SLC35A3: variants seen among roughly 807,000 people sequenced by gnomAD.
SLC35A3 encodes solute carrier family 35 member A3.
In SLC35A3, 26 loss-of-function variants were observed where a neutral mutation model predicts 39.0. The ratio of observed to expected loss-of-function variants is 0.67; its 90% confidence interval spans 0.49 to 0.92. The LOEUF is 0.92. Ranked by LOEUF, SLC35A3 falls within the 40% of genes least tolerant of loss-of-function variation. The probability of loss-of-function intolerance (pLI) is 0.00; values close to 1 mark genes in which losing one functional copy is unlikely to be tolerated. For missense variants in SLC35A3, 299 were observed against 371.6 expected (o/e 0.80, Z 1.61); for synonymous variants, 135 against 133.1 (o/e 1.01, Z -0.10).
intron 1 of SLC35A3, among the ~76,000 whole-genome samples, chr1:99,985,579 AT>A (rs549684041): frequency 1.3e-5 from 2 of 151,852 alleles, no homozygotes; most frequent in Non-Finnish European, 2.9e-5. Context: ...GAATTTTAGG[AT>A]TGTTTTTTCT....
At chr1:99,998,561 G>T (rs879811790) in intron 2 of SLC35A3, among the ~76,000 whole-genome samples, 63 of 152,230 alleles carry the variant, frequency 4.1e-4, no homozygotes, top group Non-Finnish European at 7.6e-4. Context: ...TCCTTTCACA[G>T]CTAGACACTT....
chr1:99,993,452 C>T, intron 1 of SLC35A3, 85 bp from the exon 2 acceptor site: 4 of 1,128,706 alleles, frequency 3.5e-6, no homozygotes, highest in Non-Finnish European at 5.0e-6. Context: ...CAGGCCCTCT[C>T]CCTTCTCCCT....
At position 100,034,636 on chromosome 1, in the gene SLC35A3, G is replaced by T. The variant is rs559197459; in HGVS notation, c.*12160G>T. On this transcript the variant is annotated 3_prime_UTR_variant, in exon 8 of 8. Transcript: ENST00000533028. ...AGGTGGCTCTATAGAATGGAGGGTA[G>T]AAGGGATGTGGGTGACTTACTCAGT... 9.8e-4 allele frequency: 149 copies of T among 152,026 alleles called. No homozygotes were observed. Among genetic ancestry groups the T allele is most frequent in the African/African-American group, 3.4e-3 (140 of 41,494 alleles). The allele number at this position is 152,026 out of a possible 1,614,324, so 9.4% of individuals were successfully genotyped here. A position where few individuals can be genotyped will look rare whatever the true frequency, so the allele number is the denominator to read the frequency against.
intron 6 of SLC35A3, among the ~76,000 whole-genome samples, chr1:100,016,063 A>ATTT (rs570217343): frequency 9.2e-5 from 12 of 130,314 alleles, no homozygotes; most frequent in African/African-American, 2.6e-4. Context: ...GGATACTTCT[A>ATTT]TTTTTTTTTT....
chr1:100,017,740 G>T lies in SLC35A3; in HGVS notation c.812G>T (p.Gly271Val). 6.3e-7 allele frequency: 1 copy of T among 1,577,078 alleles called. No individual in the cohort carries two copies. The highest frequency in any genetic ancestry group is 1.4e-5 in the African/African-American group (1 of 73,152). The change falls in exon 7 of 8, where the codon GGA (glycine) becomes GTA (valine). Residue 271 changes from glycine (G) to valine (V), a missense_variant. By Grantham distance (109) the Gly-to-Val change is moderately radical. Coordinates refer to ENST00000533028, the MANE Select transcript of SLC35A3 (RefSeq NM_012243.3). The part of the protein sequence containing the change: ...VIKYADNILK[G>V]FATSLSIILS... ...AAGTATGCAGATAATATTTTAAAAGGATTTGCAACCTCTTTATCGATAATA... is the reference window on the plus strand; with the variant it reads ...AAGTATGCAGATAATATTTTAAAAGTATTTGCAACCTCTTTATCGATAATA...
At chr1:99,988,277 T>C (rs1316137914) in intron 1 of SLC35A3, among the ~76,000 whole-genome samples, 2 of 152,346 alleles carry the variant, frequency 1.3e-5, no homozygotes, top group Admixed American at 6.5e-5. Flanking sequence ...AATGGAAAGA[T>C]AAAGTATACA....
intron 7 of SLC35A3, among the ~76,000 whole-genome samples, chr1:100,021,156 A>G (rs1286810890): frequency 2.0e-5 from 3 of 152,052 alleles, no homozygotes; most frequent in Non-Finnish European, 4.4e-5. Flanking sequence ...TGAGGTTAGG[A>G]GTTTGAGACC....
intron 5 of SLC35A3, 128 bp from the exon 6 acceptor site, chr1:100,015,174 A>G (rs571446618): frequency 2.2e-5 from 22 of 989,260 alleles, no homozygotes; most frequent in African/African-American, 1.7e-4. Context: ...AAAAAAAAAA[A>G]AAAGAAAGTA....
Position 100,015,318 on chromosome 1 carries a change from A to G in SLC35A3, c.651A>G (p.Ile217Met). The G allele has an allele frequency of 6.2e-7, 1 of 1,606,790 alleles. No individual in the cohort carries two copies. The highest frequency in any genetic ancestry group is 2.2e-5 in the East Asian group (1 of 44,568). The change falls in exon 6 of 8, where the codon ATA becomes ATG. Residue 217 changes from isoleucine (I) to methionine (M), a missense_variant. Ile to Met is a conservative substitution (Grantham distance 10, BLOSUM62 1). Transcript: ENST00000533028. Reference sequence around the variant, plus strand: ...TTTTTTTAGGTTTCTTTGGAAGTATATTTGGATTAATGGGTGTATACATTT... The same window carrying G: ...TTTTTTTAGGTTTCTTTGGAAGTATGTTTGGATTAATGGGTGTATACATTT... ...RNIQLGFFGS[I>M]FGLMGVYIYD...
At position 99,993,701 on chromosome 1, in the gene SLC35A3, G is replaced by A. The variant is rs1429136379; in HGVS notation, c.147G>A (p.Leu49=). ...SSTAVVVAEL[L]KIMACILLVY... ...CAGCAGTGGTTGTTGCTGAACTTTT[G>A]AAGATAATGGCCTGCATTTTATTGG... Residue 49 remains leucine (L), a synonymous_variant, in exon 2 of 8, where the codon TTG becomes TTA. Transcript: ENST00000533028. The A allele has an allele frequency of 3.1e-6, 5 of 1,613,850 alleles. No homozygotes were observed. Among genetic ancestry groups the A allele is most frequent in the Non-Finnish European group, 4.2e-6 (5 of 1,179,956 alleles).
rs1679860085 is a variant in SLC35A3, at chr1:100,024,706, A to T, written c.*2230A>T. On this transcript the variant is annotated 3_prime_UTR_variant, in exon 8 of 8. Transcript: ENST00000533028. ...CGATCTCGGCTTACTGCAACCTCCC[A>T]CTCCCTGGTTCAAGGGATTCTCCTG... 2.6e-6 allele frequency: 1 copy of T among 384,384 alleles called. No individual in the cohort carries two copies. Among genetic ancestry groups the T allele is most frequent in the African/African-American group, 2.2e-5 (1 of 45,606 alleles). The allele number at this position is 384,384 out of a possible 1,614,324, so 23.8% of individuals were successfully genotyped here.
At chr1:99,989,555 A>G (rs1250858845) in intron 1 of SLC35A3, among the ~76,000 whole-genome samples, 1 of 152,166 alleles carries the variant, frequency 6.6e-6, no homozygotes, top group Non-Finnish European at 1.5e-5. Flanking sequence ...AAGTGCTGAG[A>G]TTACAGGCAT....
intron 1 of SLC35A3, among the ~76,000 whole-genome samples, chr1:99,987,829 T>G (rs905244769): frequency 6.6e-6 from 1 of 152,080 alleles, no homozygotes; most frequent in Non-Finnish European, 1.5e-5. Context: ...TAGGTAGAAG[T>G]TGGACTCATG....
At chr1:99,980,525 A>G (rs1657396174) in intron 1 of SLC35A3, among the ~76,000 whole-genome samples, 2 of 152,246 alleles carry the variant, frequency 1.3e-5, no homozygotes, top group South Asian at 4.1e-4. Context: ...TTGTATAGGT[A>G]AAGAAATAGC....
chr1:99,997,633 C>T lies in SLC35A3; in HGVS notation c.188-1628C>T, dbSNP rs145156937. Among the ~76,000 whole-genome samples, 434 of 149,650 alleles carry T rather than the reference C, an allele frequency of 2.9e-3. 3 individuals carry two copies. Among genetic ancestry groups the T allele is most frequent in the African/African-American group, 0.01 (420 of 40,628 alleles). On this transcript the variant is annotated intron_variant, in intron 2 of 7. Transcript: ENST00000533028. Reference sequence around the variant, plus strand: ...GTTATATTGCAGAAATTTTTAAAGCCTGTTATTCTACTCTAATGCAGTTAT... The same window carrying T: ...GTTATATTGCAGAAATTTTTAAAGCTTGTTATTCTACTCTAATGCAGTTAT...
At position 100,027,272 on chromosome 1, in the gene SLC35A3, C is replaced by T; in HGVS notation, c.*4796C>T. ...TTTGAGGCCAGCCTGGGCAACATAG[C>T]CTTGTTTCTACAAAAAATCTTAAAA... is the stretch of plus-strand genomic sequence containing the variant. On this transcript the variant is annotated 3_prime_UTR_variant, in exon 8 of 8. Coordinates refer to ENST00000533028, the MANE Select transcript of SLC35A3 (RefSeq NM_012243.3). 1 of 398,058 alleles carries T rather than the reference C, an allele frequency of 2.5e-6. No homozygotes were observed. The highest frequency in any genetic ancestry group is 2.1e-5 in the African/African-American group (1 of 48,724). The allele number at this position is 398,058 out of a possible 1,614,324, so 24.7% of individuals were successfully genotyped here. A position where few individuals can be genotyped will look rare whatever the true frequency, so the allele number is the denominator to read the frequency against.
At chr1:99,971,824 A>G (rs953584381) in intron 1 of SLC35A3, among the ~76,000 whole-genome samples, 8 of 152,140 alleles carry the variant, frequency 5.3e-5, no homozygotes, top group African/African-American at 1.7e-4. Context: ...TTATTCTTCA[A>G]TTCCTTAAAT....
chr1:99,999,166 G>A (rs1658599654), intron 2 of SLC35A3, 95 bp from the exon 3 acceptor site: 1 of 630,388 alleles, frequency 1.6e-6, no homozygotes, highest in South Asian at 4.3e-5. Context: ...GCTCAATTTT[G>A]TTTTTCTATA....
intron 5 of SLC35A3, 79 bp downstream of exon 5, chr1:100,011,612 T>TA (rs1659643556): frequency 2.2e-6 from 1 of 456,984 alleles, no homozygotes; most frequent in Admixed American, 4.6e-5. Flanking sequence ...TATCTTTAAA[T>TA]AAATGAGCCT....
Sources: gnomAD v4.1 joint callset for allele counts (sites outside exome capture counted in the v4.1 genomes callset) on GRCh38, gnomAD v4.1.1 for gene constraint, MANE v1.5 for transcripts, NCBI Gene and HGNC (gene_info 2026-07-23, HGNC 2026-07-21) for gene names.